Variants in OPA3 observed in about 807,000 individuals in gnomAD.
OPA3 encodes the protein outer mitochondrial membrane lipid metabolism regulator OPA3, also known as optic atrophy 3 protein.
OPA3 carries 6 observed loss-of-function variants against 4.0 expected under a neutral mutation model. The observed-to-expected ratio is 1.51, with a 90% CI of 0.83 to 2.99. The LOEUF is 2.99. Among genes scored for constraint, OPA3 ranks in the 30% most tolerant of loss-of-function variants. The pLI is 0.00. For synonymous variants in OPA3, 105 were observed against 117.1 expected (o/e 0.90, Z 0.67); for missense variants, 235 against 256.2 (o/e 0.92, Z 0.56).
At position 45,580,582 on chromosome 19, in the gene OPA3, C is replaced by T. The variant is rs147187761; in HGVS notation, c.142+4041G>A. Among the ~76,000 whole-genome samples, 266 of 151,410 alleles carry T rather than the reference C, an allele frequency of 1.8e-3. 1 individual carries two copies. The highest frequency in any genetic ancestry group is 5.5e-3 in the African/African-American group (228 of 41,268). On this transcript the variant is annotated intron_variant, in intron 1 of 1. Transcript: ENST00000263275. ...TGCTGGGATTATAGGTGGGAGGCAC[C>T]GCGCCCAGCACAGAAGCCTATTTAT...
At chr19:45,530,469 A>G (rs1293523735) in intron 1 of OPA3, among the ~76,000 whole-genome samples, 3 of 151,802 alleles carry the variant, frequency 2.0e-5, no homozygotes, top group Admixed American at 2.0e-4. Context: ...AATTTTTACA[A>G]GTGGTTTTTA....
chr19:45,568,992 A>T (rs1415021057), intron 1 of OPA3, among the ~76,000 whole-genome samples: 1 of 152,176 alleles, frequency 6.6e-6, no homozygotes, highest in Non-Finnish European at 1.5e-5. Flanking sequence ...CACAGCAGGC[A>T]CTAAATAAAG....
intron 1 of OPA3, among the ~76,000 whole-genome samples, chr19:45,539,240 T>C (rs1599952562): frequency 6.6e-6 from 1 of 152,118 alleles, no homozygotes. Flanking sequence ...AACTCTCGCA[T>C]GTCACTGGCG....
At chr19:45,556,709 G>A (rs1257826669) in intron 1 of OPA3, among the ~76,000 whole-genome samples, 2 of 152,186 alleles carry the variant, frequency 1.3e-5, no homozygotes, top group Non-Finnish European at 2.9e-5. Flanking sequence ...GGCTTGGGGA[G>A]CTCTGCTGGA....
downstream of OPA3, among the ~76,000 whole-genome samples, chr19:45,544,742 C>T (rs1253966435): frequency 5.9e-5 from 9 of 151,464 alleles, no homozygotes; most frequent in South Asian, 2.1e-4. Flanking sequence ...TGCAGTGAGC[C>T]GAGATCATGC....
chr19:45,540,790 G>C (rs1969177376), intron 1 of OPA3, among the ~76,000 whole-genome samples: 1 of 143,196 alleles, frequency 7.0e-6, no homozygotes, highest in East Asian at 2.0e-4. Flanking sequence ...GTGAGAGAGA[G>C]AGACTCCGTC....
At chr19:45,542,756 C>T (rs1466997012), downstream of OPA3, among the ~76,000 whole-genome samples, 1 of 148,864 alleles carries the variant, frequency 6.7e-6, no homozygotes, top group Non-Finnish European at 1.5e-5. Flanking sequence ...TCACTGCAGC[C>T]TCCAACTCCC....
chr19:45,579,965 C>G (rs904742035), intron 1 of OPA3, among the ~76,000 whole-genome samples: 21 of 150,876 alleles, frequency 1.4e-4, no homozygotes, highest in Non-Finnish European at 3.0e-4. Flanking sequence ...CTATGTCAGT[C>G]TGACTCCAGA....
intron 1 of OPA3, among the ~76,000 whole-genome samples, chr19:45,572,488 C>G (rs1431249593): frequency 8.8e-6 from 1 of 114,092 alleles, no homozygotes; most frequent in Non-Finnish European, 1.8e-5. Flanking sequence ...TCATATATAT[C>G]GAGATATATG....
At chr19:45,529,182 C>A in exon 2 of OPA3, 1 of 1,610,558 alleles carries the variant, frequency 6.2e-7, no homozygotes, top group Non-Finnish European at 8.5e-7. Context: ...TCGCCTGCAC[C>A]TGCGCCTGCA....
At chr19:45,576,179 T>C (rs1171768814) in intron 1 of OPA3, among the ~76,000 whole-genome samples, 1 of 151,694 alleles carries the variant, frequency 6.6e-6, no homozygotes, top group African/African-American at 2.4e-5. Context: ...GCTGAGATCA[T>C]GCCACTGTAA....
chr19:45,564,299 G>A (rs548051985), intron 1 of OPA3, among the ~76,000 whole-genome samples: 1 of 14,192 alleles, frequency 7.0e-5, no homozygotes, highest in Non-Finnish European at 1.1e-4. Context: ...ACCCTGGAAG[G>A]GGGGCAGGTA....
At chr19:45,565,677 G>A (rs1599981088) in intron 1 of OPA3, among the ~76,000 whole-genome samples, 1 of 152,032 alleles carries the variant, frequency 6.6e-6, no homozygotes, top group East Asian at 1.9e-4. Context: ...GTAGAGACAG[G>A]GTTTCACCAT....
intron 1 of OPA3, among the ~76,000 whole-genome samples, chr19:45,535,369 CTTTTTT>C (rs57680613): frequency 2.5e-5 from 3 of 118,858 alleles, no homozygotes; most frequent in African/African-American, 9.5e-5. Context: ...TAAATTATTA[CTTTTTT>C]TTTTTTTTTT....
chr19:45,564,838 G>T (rs528254692), intron 1 of OPA3, among the ~76,000 whole-genome samples: 1 of 152,252 alleles, frequency 6.6e-6, no homozygotes, highest in East Asian at 1.9e-4. Context: ...ATCCTAATGT[G>T]ACTTTTTTAT....
At chr19:45,546,268 C>T (rs192699227), downstream of OPA3, 1,185 of 338,646 alleles carry the variant, frequency 3.5e-3, 7 homozygotes, top group Non-Finnish European at 4.1e-3. Flanking sequence ...AATATTAAAC[C>T]GGGCTGCAAA....
In OPA3 at chr19:45,529,290, G is replaced by A. The variant is rs532551321; in HGVS notation, c.309C>T (p.Arg103=). Residue 103 remains arginine, a synonymous_variant, in exon 2 of 2, where the codon CGC becomes CGT. Transcript: ENST00000323060. ...CCTTGCGGCGCTGCTGCAACTGGTG[G>A]CGCCAATACTCCAGCATCAGGCAGC... is the stretch of plus-strand genomic sequence containing the variant. 1.1e-4 allele frequency: 174 copies of A among 1,614,096 alleles called. 1 individual carries two copies. The South Asian group carries it at 1.8e-3, about 17-fold the overall frequency.
chr19:45,582,640 A>G lies in OPA3; in HGVS notation c.142+1983T>C, dbSNP rs574749910. ...CAGAGATGAAATCACAGGGAGTCGG[A>G]GCTGTCTTCTTGCGCTCAGTCAGTT... is the stretch of plus-strand genomic sequence containing the variant. On this transcript the variant is annotated intron_variant, in intron 1 of 1. Transcript: ENST00000263275. Among the ~76,000 whole-genome samples, 163 of 152,108 alleles carry G rather than the reference A, an allele frequency of 1.1e-3. 1 individual carries two copies. The South Asian group carries it at 0.014, about 13-fold the overall frequency.
intron 1 of OPA3, among the ~76,000 whole-genome samples, chr19:45,581,020 C>T (rs138953506): frequency 1.5e-3 from 230 of 152,292 alleles, no homozygotes; most frequent in African/African-American, 5.4e-3. Flanking sequence ...TCCAAAGTTT[C>T]GCCTCTGGCA....
Sources: gnomAD v4.1 joint callset for allele counts (sites outside exome capture counted in the v4.1 genomes callset) on GRCh38, gnomAD v4.1.1 for gene constraint, MANE v1.5 for transcripts, NCBI Gene and HGNC (gene_info 2026-07-23, HGNC 2026-07-21) for gene names.